The following SF3A3 variants were observed in gnomAD, a reference collection of about 807,000 sequenced individuals.
SF3A3 encodes splicing factor 3a subunit 3, also known as SAP 61.
In SF3A3, 9 loss-of-function variants were observed where a neutral mutation model predicts 85.8. The ratio of observed to expected loss-of-function variants is 0.10; its 90% CI spans 0.06 to 0.18. SF3A3 has a LOEUF of 0.18. Ranked by LOEUF, SF3A3 falls within the 10% of genes least tolerant of loss-of-function variation. SF3A3 has a pLI of 1.00. For synonymous variants in SF3A3, 195 were observed against 204.4 expected (o/e 0.95, Z 0.39); for missense variants, 306 against 593.3 (o/e 0.52, Z 5.03).
At chr1:37,976,792 T>C (rs1243873001) in intron 12 of SF3A3, 92 bp downstream of exon 12, 3 of 842,282 alleles carry the variant, frequency 3.6e-6, no homozygotes, top group Admixed American at 1.8e-5. Context: ...ACTCCTCTTT[T>C]GAACCTAATG....
At chr1:37,972,542 CAA>C (rs905024955) in intron 12 of SF3A3, among the ~76,000 whole-genome samples, 10 of 152,058 alleles carry the variant, frequency 6.6e-5, no homozygotes, top group African/African-American at 2.4e-4. Context: ...CACATGGAAC[CAA>C]AAAAGAGCCT....
intron 12 of SF3A3, among the ~76,000 whole-genome samples, chr1:37,976,251 C>T (rs988805629): frequency 6.6e-6 from 1 of 152,000 alleles, no homozygotes; most frequent in Non-Finnish European, 1.5e-5. Flanking sequence ...TGGATGAGTG[C>T]TGCCCTTTCT....
chr1:37,970,122 C>T (rs1646328249), intron 12 of SF3A3, among the ~76,000 whole-genome samples: 1 of 151,944 alleles, frequency 6.6e-6, no homozygotes, highest in African/African-American at 2.4e-5. Context: ...CTGGGCAACA[C>T]AATGGGATCT....
intron 15 of SF3A3, among the ~76,000 whole-genome samples, chr1:37,967,591 T>C (rs1646310820): frequency 7.5e-6 from 1 of 133,064 alleles, no homozygotes; most frequent in Non-Finnish European, 1.5e-5. Flanking sequence ...GGCAGGAGAA[T>C]GGCATGAACC....
In SF3A3 at chr1:37,979,299, C is replaced by T. The variant is rs904027378; in HGVS notation, c.759+166G>A. 15 of 635,810 alleles carry T rather than the reference C, an allele frequency of 2.4e-5. No homozygotes were observed. The African/African-American group carries it at 2.4e-4, about 10-fold the overall frequency. The allele number at this position is 635,810 out of a possible 1,614,324, so 39.4% of individuals were successfully genotyped here. A position where few individuals can be genotyped will look rare whatever the true frequency, so the allele number is the denominator to read the frequency against. The stretch of plus-strand genomic sequence containing the variant: ...AGTTAGAATAATTATTTCAGTTTCC[C>T]AAGTAGTAATTTTTTTCTTTTTGCC... On this transcript the variant is annotated intron_variant, in intron 9 of 16. Transcript: ENST00000373019.
At position 37,975,041 on chromosome 1, in the gene SF3A3, CTG is replaced by C. The variant is rs557211765; in HGVS notation, c.1005+1841_1005+1842del. Among the ~76,000 whole-genome samples the C allele has an allele frequency of 2.9e-3, 439 of 152,264 alleles. 1 individual carries two copies. Among genetic ancestry groups the C allele is most frequent in the Non-Finnish European group, 5.1e-3 (347 of 68,020 alleles). ...AAATGAGTTTCTTAAGGGCAAGAGG[CTG>C]TGTCTTATTCACTATTGTATCAAAA... On this transcript the variant is annotated intron_variant, in intron 12 of 16. Coordinates refer to ENST00000373019, the MANE Select transcript of SF3A3 (RefSeq NM_006802.4).
intron 4 of SF3A3, among the ~76,000 whole-genome samples, chr1:37,985,616 G>A (rs1054580598): frequency 3.9e-5 from 6 of 152,096 alleles, no homozygotes; most frequent in African/African-American, 1.4e-4. Flanking sequence ...AAAGACTTGC[G>A]TCTGACATTT....
intron 15 of SF3A3, among the ~76,000 whole-genome samples, chr1:37,961,017 A>G (rs1646253963): frequency 6.6e-6 from 1 of 152,108 alleles, no homozygotes; most frequent in South Asian, 2.1e-4. Context: ...GCTACATGTA[A>G]TACATAAGAC....
rs760496709 is a variant in SF3A3, at chr1:37,979,549, T to C, written c.691-16A>G. On this transcript the variant is annotated splice_polypyrimidine_tract_variant and intron_variant, in intron 8 of 16. Transcript: ENST00000373019. ...TTGTCTCTTTCTGGAAAGAACAATATGGTATTTATTAAGATCCAGGTTTAG... is the reference window on the plus strand; with the variant it reads ...TTGTCTCTTTCTGGAAAGAACAATACGGTATTTATTAAGATCCAGGTTTAG... 44 of 1,601,736 alleles carry C rather than the reference T, an allele frequency of 2.7e-5. No individual in the cohort carries two copies. In the East Asian group the frequency reaches 8.5e-4, roughly 31 times the overall value.
rs376724623 is a variant in SF3A3 at position 37,989,969 on chromosome 1, C to T, written c.-4G>A. The stretch of plus-strand genomic sequence containing the variant: ...GCTGCTCCAGTATTGTCTCCATCTT[C>T]CCTTAGTCGCGGCTTCTCAATTCAG... On this transcript the variant is annotated 5_prime_UTR_variant, in exon 1 of 17. Transcript: ENST00000373019. 32 of 1,607,512 alleles carry T rather than the reference C, an allele frequency of 2.0e-5. No homozygotes were observed. Among genetic ancestry groups the T allele is most frequent in the African/African-American group, 1.1e-4 (8 of 74,882 alleles).
At chr1:37,983,801 T>C (rs912345808) in intron 6 of SF3A3, among the ~76,000 whole-genome samples, 1 of 151,526 alleles carries the variant, frequency 6.6e-6, no homozygotes, top group Non-Finnish European at 1.5e-5. Context: ...CCAAGTGTGG[T>C]GGTGGTATGC....
intron 2 of SF3A3, among the ~76,000 whole-genome samples, chr1:37,989,095 G>A (rs1187519400): frequency 6.6e-6 from 1 of 151,900 alleles, no homozygotes; most frequent in African/African-American, 2.4e-5. Flanking sequence ...TTCGAGACCA[G>A]CCTGACCAAC....
intron 11 of SF3A3, among the ~76,000 whole-genome samples, chr1:37,977,787 C>T (rs182328792): frequency 1.7e-4 from 26 of 152,012 alleles, no homozygotes; most frequent in African/African-American, 3.6e-4. Context: ...TGCAGCGAGC[C>T]GAGATTGCGC....
intron 15 of SF3A3, chr1:37,960,752 G>T (rs960581477): frequency 6.6e-6 from 1 of 152,140 alleles, no homozygotes; most frequent in African/African-American, 2.4e-5. Context: ...CCGGGTTCAC[G>T]CCATTCTCCT....
chr1:37,976,902 T>C lies in SF3A3; in HGVS notation c.987A>G (p.Glu329=). ...DIAFLEAQIY[E]YVEILGEQRH... The stretch of plus-strand genomic sequence containing the variant: ...CACTTACCCCGAGAATCTCTACATA[T>C]TCATAGATCTGGGCTTCTAGAAAAG... Residue 329 remains glutamate (E), a synonymous_variant, in exon 12 of 17, where the codon GAA becomes GAG. Coordinates refer to ENST00000373019, the MANE Select transcript of SF3A3 (RefSeq NM_006802.4). 6.2e-7 allele frequency: 1 copy of C among 1,604,572 alleles called. No homozygotes were observed. Among genetic ancestry groups the C allele is most frequent in the Non-Finnish European group, 8.5e-7 (1 of 1,171,400 alleles).
At chr1:37,970,518 C>G (rs1319067838) in intron 12 of SF3A3, among the ~76,000 whole-genome samples, 1 of 150,432 alleles carries the variant, frequency 6.6e-6, no homozygotes, top group East Asian at 2.0e-4. Flanking sequence ...TAATAGACAT[C>G]TACAGAACTC....
chr1:37,957,967 G>T lies in SF3A3; in HGVS notation c.*219C>A. On this transcript the variant is annotated 3_prime_UTR_variant, in exon 17 of 17. Coordinates refer to ENST00000373019, the MANE Select transcript of SF3A3 (RefSeq NM_006802.4). The stretch of plus-strand genomic sequence containing the variant: ...CCATAACCCTGGGCTTTAGAACAAG[G>T]TCTGGTTTTATTTTCTGGCAGAATC... 1.8e-6 allele frequency: 1 copy of T among 541,532 alleles called. No individual in the cohort carries two copies. Among genetic ancestry groups the T allele is most frequent in the Non-Finnish European group, 3.3e-6 (1 of 303,486 alleles). The allele number at this position is 541,532 out of a possible 1,614,324, so 33.5% of individuals were successfully genotyped here.
intron 4 of SF3A3, among the ~76,000 whole-genome samples, chr1:37,987,221 G>A (rs893814473): frequency 1.3e-5 from 2 of 152,200 alleles, no homozygotes; most frequent in African/African-American, 2.4e-5. Context: ...TGGGATTACA[G>A]GCACATGCCA....
At chr1:37,963,996 T>C (rs914229850) in intron 15 of SF3A3, among the ~76,000 whole-genome samples, 2 of 148,324 alleles carry the variant, frequency 1.3e-5, no homozygotes, top group Non-Finnish European at 1.5e-5. Context: ...TTGGCCAGCA[T>C]GGTGAAACCC....
Sources: gnomAD v4.1 joint callset for allele counts (sites outside exome capture counted in the v4.1 genomes callset) on GRCh38, gnomAD v4.1.1 for gene constraint, MANE v1.5 for transcripts, NCBI Gene and HGNC (gene_info 2026-07-23, HGNC 2026-07-21) for gene names.